TRAF3: variants seen among roughly 807,000 people sequenced by gnomAD.
The protein encoded by TRAF3 is TNF receptor associated factor 3.
Under a neutral mutation model 62.3 loss-of-function variants are expected in TRAF3, and 13 were observed. The ratio of observed to expected loss-of-function variants is 0.21; its 90% confidence interval spans 0.14 to 0.33. The LOEUF is 0.33. TRAF3 is among the 10% of genes least tolerant of loss of function. TRAF3 has a pLI of 1.00. For synonymous variants in TRAF3, 269 were observed against 283.4 expected, an observed-to-expected ratio of 0.95 and a Z score of 0.51; for missense variants, 440 against 741.8, an observed-to-expected ratio of 0.59 and a Z score of 4.73.
chr14:102,874,915 C>G (rs568811991), intron 4 of TRAF3, among the ~76,000 whole-genome samples: 1 of 152,270 alleles, frequency 6.6e-6, no homozygotes, highest in East Asian at 1.9e-4. Flanking sequence ...CCTCGGTTTC[C>G]CAAAGTGCTG....
chr14:102,841,408 A>G (rs1886366986), intron 2 of TRAF3, among the ~76,000 whole-genome samples: 2 of 152,202 alleles, frequency 1.3e-5, no homozygotes, highest in Admixed American at 1.3e-4. Flanking sequence ...AGGGCTGGGA[A>G]TAGTTTGTGT....
Position 102,903,104 on chromosome 14 carries a change from C to A in TRAF3, c.961-151C>A. ...AGCTCCCAGGAGGCCTGATGCAGAGCCCCACTCCTGGAGTCAGAGCCGCGG... is the reference window on the plus strand; with the variant it reads ...AGCTCCCAGGAGGCCTGATGCAGAGACCCACTCCTGGAGTCAGAGCCGCGG... On this transcript the variant is annotated intron_variant, in intron 10 of 11. Transcript: ENST00000392745. This position sits in a 1 kb window ranked among gnomAD's most constrained non-coding sequence, Gnocchi z 6.4. 1.9e-6 allele frequency: 2 copies of A among 1,031,656 alleles called. No individual in the cohort carries two copies. The highest frequency in any genetic ancestry group is 3.0e-6 in the Non-Finnish European group (2 of 671,658). The allele number at this position is 1,031,656 out of a possible 1,614,324, so 63.9% of individuals were successfully genotyped here.
At chr14:102,846,289 T>C (rs1886717071) in intron 2 of TRAF3, among the ~76,000 whole-genome samples, 1 of 152,074 alleles carries the variant, frequency 6.6e-6, no homozygotes, top group Non-Finnish European at 1.5e-5. Flanking sequence ...GGGATGAGAA[T>C]GGATAACTAA....
chr14:102,789,594 A>ATGTG (rs56383846), intron 1 of TRAF3, among the ~76,000 whole-genome samples: 38,905 of 148,620 alleles, frequency 0.26, 5,454 homozygotes, highest in Non-Finnish European at 0.34. Context: ...AAAAGGATAT[A>ATGTG]TGTGTGTGTG....
intron 2 of TRAF3, 143 bp from the exon 3 acceptor site, chr14:102,870,042 C>G: frequency 2.1e-6 from 2 of 940,774 alleles, no homozygotes; most frequent in Non-Finnish European, 3.4e-6. Flanking sequence ...GTTTTGTTCC[C>G]AACACATATT....
At chr14:102,837,883 T>C (rs1886124752) in intron 2 of TRAF3, among the ~76,000 whole-genome samples, 2 of 152,216 alleles carry the variant, frequency 1.3e-5, no homozygotes, top group South Asian at 4.1e-4. Flanking sequence ...TGTAATTGTT[T>C]TAGTTCCTCA....
intron 9 of TRAF3, among the ~76,000 whole-genome samples, chr14:102,891,696 C>T (rs1453726410): frequency 6.6e-6 from 1 of 152,056 alleles, no homozygotes; most frequent in Non-Finnish European, 1.5e-5. Flanking sequence ...GATGCCCAGT[C>T]CCCACCCTGC....
At chr14:102,886,965 C>T (rs1043408223) in intron 7 of TRAF3, among the ~76,000 whole-genome samples, 3 of 152,244 alleles carry the variant, frequency 2.0e-5, no homozygotes, top group Non-Finnish European at 4.4e-5. Context: ...TTTGCTCACA[C>T]ATGCCGGGTG....
At position 102,858,850 on chromosome 14, in the gene TRAF3, A is replaced by G. The variant is rs137907744; in HGVS notation, c.-17-11335A>G. On this transcript the variant is annotated intron_variant, in intron 2 of 11. Transcript: ENST00000392745. ...TATACCAAATAAGCCAAATTTCACC[A>G]TTGCATTAGTGTACTATTAATGTTA... Among the ~76,000 whole-genome samples, 383 of 152,290 alleles carry G rather than the reference A, an allele frequency of 2.5e-3. 10 individuals are homozygous for G. In the East Asian group the frequency reaches 0.066, roughly 26 times the overall value.
chr14:102,817,754 TTC>T (rs1173711966), intron 1 of TRAF3, among the ~76,000 whole-genome samples: 2 of 152,242 alleles, frequency 1.3e-5, no homozygotes, highest in Non-Finnish European at 2.9e-5. Flanking sequence ...ATCCTCAGGG[TTC>T]TCTCTCCTGT....
chr14:102,878,177 G>T (rs11627352), intron 6 of TRAF3, among the ~76,000 whole-genome samples: 2,737 of 152,244 alleles, frequency 0.018, 31 homozygotes, highest in African/African-American at 0.02. Flanking sequence ...TTGATAGATT[G>T]CCTGGTCTTA....
chr14:102,861,613 G>A (rs1483197208), intron 2 of TRAF3, among the ~76,000 whole-genome samples: 2 of 152,064 alleles, frequency 1.3e-5, no homozygotes, highest in Non-Finnish European at 2.9e-5. Context: ...TCATCCCTTT[G>A]GGGCTTGCCA....
At chr14:102,792,577 C>CT (rs879520508) in intron 1 of TRAF3, among the ~76,000 whole-genome samples, 60 of 141,832 alleles carry the variant, frequency 4.2e-4, no homozygotes, top group Middle Eastern at 3.7e-3. Flanking sequence ...TGGCCACTGA[C>CT]TTTTTTTTTT....
intron 6 of TRAF3, among the ~76,000 whole-genome samples, chr14:102,883,683 T>G (rs1260178819): frequency 6.6e-6 from 1 of 152,168 alleles, no homozygotes; most frequent in Admixed American, 6.5e-5. Flanking sequence ...CCTCCCAGGT[T>G]CAAGCAATTT....
At chr14:102,864,718 A>C (rs2139799363) in intron 2 of TRAF3, among the ~76,000 whole-genome samples, 1 of 152,270 alleles carries the variant, frequency 6.6e-6, no homozygotes, top group East Asian at 1.9e-4. Context: ...GTTAGTAAAA[A>C]CTGCCCTCCC....
At position 102,866,851 on chromosome 14, in the gene TRAF3, AC is replaced by A. The variant is rs774686414; in HGVS notation, c.-17-3333del. Among the ~76,000 whole-genome samples, 39 of 14,936 alleles carry A rather than the reference AC, an allele frequency of 2.6e-3. 1 individual carries two copies. Among genetic ancestry groups the A allele is most frequent in the Admixed American group, 7.4e-3 (11 of 1,490 alleles). 9.8% of individuals were successfully genotyped at this position (14,936 alleles called of 152,430 possible). On this transcript the variant is annotated intron_variant, in intron 2 of 11. Transcript: ENST00000392745. Reference sequence around the variant, plus strand: ...CAGAACGAGACTCCATCTCTTGAAAACACACACACACACACACACACACACA... The same window carrying A: ...CAGAACGAGACTCCATCTCTTGAAAAACACACACACACACACACACACACA...
chr14:102,811,979 T>C (rs913515585), intron 1 of TRAF3, among the ~76,000 whole-genome samples: 2 of 127,346 alleles, frequency 1.6e-5, no homozygotes, highest in Non-Finnish European at 3.2e-5. Flanking sequence ...CTAAGGCTGG[T>C]CTCAAACTCC....
At position 102,826,317 on chromosome 14, in the gene TRAF3, CAT is replaced by C. The variant is rs1461596582; in HGVS notation, c.-156-4016_-156-4015del. 2.6e-5 allele frequency among the ~76,000 whole-genome samples: 4 copies of C among 152,224 alleles called. No homozygotes were observed. The highest frequency in any genetic ancestry group is 4.4e-5 in the Non-Finnish European group (3 of 68,016). On this transcript the variant is annotated intron_variant, in intron 1 of 11. Transcript: ENST00000392745. This position sits in a 1 kb window ranked among gnomAD's most constrained non-coding sequence, Gnocchi z 4.6. ...TTGTGCGTGTGGAGCAGGTGGCTGA[CAT>C]GTGGTGAGTCCTCCAGGAATGTGGC... is the stretch of plus-strand genomic sequence containing the variant.
intron 1 of TRAF3, among the ~76,000 whole-genome samples, chr14:102,783,640 AACTT>A (rs1248118853): frequency 6.6e-6 from 1 of 152,138 alleles, no homozygotes; most frequent in Non-Finnish European, 1.5e-5. Context: ...TTTTAATATA[AACTT>A]ACTTCGTTCC....
Sources: allele counts gnomAD v4.1 joint callset (sites outside exome capture counted in the v4.1 genomes callset), GRCh38; gene constraint gnomAD v4.1.1; non-coding constraint Gnocchi (gnomAD v3.1); transcripts MANE v1.5; gene names NCBI Gene and HGNC (gene_info 2026-07-23, HGNC 2026-07-21).